Variants in MSI2 observed in about 807,000 individuals in gnomAD.
MSI2 encodes RNA-binding protein Musashi homolog 2.
Under a neutral mutation model 45.6 loss-of-function variants are expected in MSI2, and 17 were observed. That is an observed-to-expected ratio of 0.37 (90% CI 0.26 to 0.56). The LOEUF (loss-of-function observed/expected upper bound fraction) is 0.56, where lower values mean the gene tolerates loss of function less well. MSI2 is among the 20% of genes least tolerant of loss of function. The probability of loss-of-function intolerance (pLI) is 0.77; values close to 1 mark genes in which losing one functional copy is unlikely to be tolerated. For missense variants in MSI2, 293 were observed against 444.2 expected (o/e 0.66, Z 3.06); for synonymous variants, 156 against 158.2 (o/e 0.99, Z 0.11).
chr17:57,442,759 T>G (rs572263752), intron 6 of MSI2, among the ~76,000 whole-genome samples: 1 of 152,274 alleles, frequency 6.6e-6, no homozygotes, highest in East Asian at 1.9e-4. Flanking sequence ...TACTCTTCCT[T>G]TCTTCCTGAC....
intron 10 of MSI2, among the ~76,000 whole-genome samples, chr17:57,648,179 G>GTC (rs904269199): frequency 7.2e-6 from 1 of 138,416 alleles, no homozygotes; most frequent in Non-Finnish European, 1.5e-5. Context: ...GTGTGTGTGT[G>GTC]TGTTTGTAGT....
chr17:57,647,642 T>C (rs1179345544), intron 10 of MSI2, among the ~76,000 whole-genome samples: 1 of 151,646 alleles, frequency 6.6e-6, no homozygotes, highest in Non-Finnish European at 1.5e-5. Flanking sequence ...ACCAACATTT[T>C]TTTTCTTTTT....
At chr17:57,491,506 G>A (rs995664836) in intron 6 of MSI2, among the ~76,000 whole-genome samples, 3 of 152,172 alleles carry the variant, frequency 2.0e-5, no homozygotes, top group African/African-American at 2.4e-5. Context: ...TAGAGACCTC[G>A]GATAAATGGA....
At chr17:57,416,839 CTT>C (rs1275964461) in intron 6 of MSI2, among the ~76,000 whole-genome samples, 1 of 152,150 alleles carries the variant, frequency 6.6e-6, no homozygotes, top group Admixed American at 6.5e-5. Context: ...AAGAAGGTCT[CTT>C]ATCAGCTGCT....
At chr17:57,539,123 A>G (rs1037431875) in intron 7 of MSI2, among the ~76,000 whole-genome samples, 1 of 152,126 alleles carries the variant, frequency 6.6e-6, no homozygotes, top group Non-Finnish European at 1.5e-5. Flanking sequence ...GAAGAGAATT[A>G]AGCAACCTGA....
intron 9 of MSI2, among the ~76,000 whole-genome samples, chr17:57,622,327 G>T (rs1293612930): frequency 6.6e-6 from 1 of 152,224 alleles, no homozygotes; most frequent in African/African-American, 2.4e-5. Context: ...TAATGAAGGT[G>T]AACTTAATAA....
At chr17:57,390,262 T>G (rs933134387) in intron 5 of MSI2, among the ~76,000 whole-genome samples, 3 of 152,086 alleles carry the variant, frequency 2.0e-5, no homozygotes, top group Non-Finnish European at 4.4e-5. Flanking sequence ...CTCAAAAAAC[T>G]TGGCTTTTGT....
intron 7 of MSI2, among the ~76,000 whole-genome samples, chr17:57,565,344 A>G (rs1414895130): frequency 2.0e-5 from 3 of 152,146 alleles, no homozygotes; most frequent in Non-Finnish European, 4.4e-5. Context: ...CCATTCCCTG[A>G]TCTTGAGTCA....
At chr17:57,580,044 T>G (rs1339573028) in intron 7 of MSI2, among the ~76,000 whole-genome samples, 1 of 151,388 alleles carries the variant, frequency 6.6e-6, no homozygotes, top group Non-Finnish European at 1.5e-5. Flanking sequence ...ACTGGGTACC[T>G]AGGGCCTTGA....
intron 6 of MSI2, among the ~76,000 whole-genome samples, chr17:57,494,142 G>A (rs994766571): frequency 1.3e-5 from 2 of 152,206 alleles, no homozygotes; most frequent in Non-Finnish European, 2.9e-5. Context: ...AAGGAAACAA[G>A]GCTCAGAGAG....
At chr17:57,427,416 A>G (rs115837186) in intron 6 of MSI2, among the ~76,000 whole-genome samples, 5,342 of 152,022 alleles carry the variant, frequency 0.035, 112 homozygotes, top group Middle Eastern at 0.083. Context: ...AAAAATAAAT[A>G]AAAGAAAATA....
intron 7 of MSI2, among the ~76,000 whole-genome samples, chr17:57,545,152 C>A (rs2087135468): frequency 6.6e-6 from 1 of 151,994 alleles, no homozygotes; most frequent in African/African-American, 2.4e-5. Context: ...TTTCCCCCCT[C>A]TGAATTCTGG....
chr17:57,423,983 CAAGTAT>C (rs1433224741), intron 6 of MSI2, among the ~76,000 whole-genome samples: 1 of 152,188 alleles, frequency 6.6e-6, no homozygotes, highest in Admixed American at 6.5e-5. Context: ...ACCAAGAGGA[CAAGTAT>C]GTATGAAGTT....
intron 5 of MSI2, among the ~76,000 whole-genome samples, chr17:57,305,704 A>G (rs1229289863): frequency 2.6e-5 from 4 of 152,180 alleles, no homozygotes; most frequent in Non-Finnish European, 5.9e-5. Flanking sequence ...TGACACACAG[A>G]ATAAAATCGA....
intron 7 of MSI2, among the ~76,000 whole-genome samples, chr17:57,590,216 T>C (rs1904699089): frequency 1.3e-5 from 2 of 152,186 alleles, no homozygotes; most frequent in Non-Finnish European, 2.9e-5. Flanking sequence ...AGATACTACA[T>C]GATTGCCCAT....
At chr17:57,361,452 A>T (rs1279641380) in intron 5 of MSI2, among the ~76,000 whole-genome samples, 3 of 151,906 alleles carry the variant, frequency 2.0e-5, no homozygotes, top group African/African-American at 7.3e-5. Context: ...ATAAAAAAAA[A>T]AAAATTAGCC....
At chr17:57,522,105 G>A (rs957435204) in intron 6 of MSI2, 1 of 152,114 alleles carries the variant, frequency 6.6e-6, no homozygotes. Flanking sequence ...CCCAGGCAGC[G>A]GCTGTCTCCA....
chr17:57,433,168 C>A (rs371433294), intron 6 of MSI2, among the ~76,000 whole-genome samples: 4 of 152,172 alleles, frequency 2.6e-5, no homozygotes, highest in African/African-American at 4.8e-5. Flanking sequence ...ACACTGCAGG[C>A]GGCTTCTCTA....
chr17:57,657,124 CT>C (rs1911652204), intron 11 of MSI2, among the ~76,000 whole-genome samples: 1 of 152,284 alleles, frequency 6.6e-6, no homozygotes, highest in African/African-American at 2.4e-5. Flanking sequence ...ATAAAGTCCC[CT>C]GAGAGAATGC....
Sources: allele counts gnomAD v4.1 joint callset (sites outside exome capture counted in the v4.1 genomes callset), GRCh38; gene constraint gnomAD v4.1.1; transcripts MANE v1.5; gene names NCBI Gene and HGNC (gene_info 2026-07-23, HGNC 2026-07-21).